FRS2: variants seen among roughly 807,000 people sequenced by gnomAD.
FRS2 encodes fibroblast growth factor receptor substrate 2.
Under a neutral mutation model 43.9 loss-of-function variants are expected in FRS2, and 8 were observed. That is an observed-to-expected ratio of 0.18 (90% CI 0.11 to 0.33). The LOEUF (loss-of-function observed/expected upper bound fraction) is 0.33. Among genes scored for constraint, FRS2 ranks in the 10% least tolerant of loss-of-function variants. The probability of loss-of-function intolerance (pLI) is 1.00; values close to 1 mark genes in which losing one functional copy is unlikely to be tolerated. For missense variants in FRS2, 534 were observed against 627.6 expected, an observed-to-expected ratio of 0.85 and a Z score of 1.59; for synonymous variants, 219 against 220.3, an observed-to-expected ratio of 0.99 and a Z score of 0.05.
chr12:69,539,283 G>T (rs1041224843), intron 3 of FRS2, among the ~76,000 whole-genome samples: 1 of 152,046 alleles, frequency 6.6e-6, no homozygotes, highest in Non-Finnish European at 1.5e-5. Flanking sequence ...CACCATGCTG[G>T]CCAGGCTGGT....
intron 3 of FRS2, among the ~76,000 whole-genome samples, chr12:69,554,244 T>C (rs1389114790): frequency 6.6e-6 from 1 of 152,200 alleles, no homozygotes; most frequent in Non-Finnish European, 1.5e-5. Flanking sequence ...TTATAAAAGC[T>C]ATTCAAACAC....
At chr12:69,510,281 C>T (rs1874333662) in intron 1 of FRS2, among the ~76,000 whole-genome samples, 1 of 152,214 alleles carries the variant, frequency 6.6e-6, no homozygotes, top group Non-Finnish European at 1.5e-5. Context: ...TGCAACTTCT[C>T]TGAGTGCCCT....
intron 1 of FRS2, among the ~76,000 whole-genome samples, chr12:69,477,571 C>T (rs946664593): frequency 9.2e-5 from 14 of 151,456 alleles, no homozygotes; most frequent in Middle Eastern, 6.9e-3. Context: ...CGTGAGCCAC[C>T]GCGCCCGGCC....
At chr12:69,474,198 C>T (rs763669739) in intron 1 of FRS2, among the ~76,000 whole-genome samples, 4 of 152,044 alleles carry the variant, frequency 2.6e-5, no homozygotes, top group South Asian at 2.1e-4. Flanking sequence ...ACTAGAAATA[C>T]GGGCAAGGAG....
chr12:69,485,222 C>G (rs1043983665), intron 1 of FRS2, among the ~76,000 whole-genome samples: 16 of 151,394 alleles, frequency 1.1e-4, no homozygotes, highest in African/African-American at 3.6e-4. Flanking sequence ...TCGCTCTGTC[C>G]CCCAGGCTGG....
intron 1 of FRS2, among the ~76,000 whole-genome samples, chr12:69,479,594 C>CA (rs1317386707): frequency 6.6e-6 from 1 of 151,876 alleles, no homozygotes; most frequent in Non-Finnish European, 1.5e-5. Context: ...GATGGGGTTT[C>CA]ACTATGTTGG....
Position 69,555,462 on chromosome 12 carries a change from G to A in FRS2, c.-121-6718G>A, listed in dbSNP as rs184083663. Among the ~76,000 whole-genome samples the A allele has an allele frequency of 7.8e-4, 119 of 152,230 alleles. 1 individual carries two copies. The highest frequency in any genetic ancestry group is 3.1e-3 in the Admixed American group (48 of 15,282). On this transcript the variant is annotated intron_variant, in intron 3 of 8. Transcript: ENST00000549921. ...GTTAATCACAGGGATAGATGTGCTC[G>A]GATGCAAACTTTTCTGGTAAACTTT...
At chr12:69,516,306 CCT>C (rs1216450357) in intron 1 of FRS2, among the ~76,000 whole-genome samples, 1 of 151,910 alleles carries the variant, frequency 6.6e-6, no homozygotes, top group South Asian at 2.1e-4. Flanking sequence ...GCAACCTCCG[CCT>C]CCCTGGTTCA....
At chr12:69,556,040 C>A (rs1316288280) in intron 3 of FRS2, among the ~76,000 whole-genome samples, 1 of 149,468 alleles carries the variant, frequency 6.7e-6, no homozygotes, top group Non-Finnish European at 1.5e-5. Flanking sequence ...ATGGTATACA[C>A]ATTTCATGTG....
At chr12:69,485,134 C>CACACACACACAA in intron 1 of FRS2, among the ~76,000 whole-genome samples, 1 of 134,350 alleles carries the variant, frequency 7.4e-6, no homozygotes, top group East Asian at 2.4e-4. Context: ...CACACACACA[C>CACACACACACAA]ACTCTCACCC....
At chr12:69,525,638 C>T (rs1876139707) in intron 1 of FRS2, among the ~76,000 whole-genome samples, 2 of 151,990 alleles carry the variant, frequency 1.3e-5, no homozygotes, top group Non-Finnish European at 2.9e-5. Flanking sequence ...GAACGCGTGT[C>T]CTCTCTTTCC....
intron 1 of FRS2, among the ~76,000 whole-genome samples, chr12:69,501,770 G>T (rs1327388338): frequency 6.6e-6 from 1 of 152,124 alleles, no homozygotes; most frequent in Non-Finnish European, 1.5e-5. Context: ...TGTATTACCT[G>T]AAAGTAAATT....
chr12:69,541,717 C>T (rs539547576), intron 3 of FRS2, among the ~76,000 whole-genome samples: 2 of 150,466 alleles, frequency 1.3e-5, no homozygotes, highest in African/African-American at 2.4e-5. Context: ...CCCAGCTACT[C>T]GGGAGACTGA....
intron 3 of FRS2, among the ~76,000 whole-genome samples, chr12:69,545,612 C>G (rs1011988092): frequency 6.6e-6 from 1 of 152,000 alleles, no homozygotes; most frequent in African/African-American, 2.4e-5. Context: ...AAAAGATTAG[C>G]TGGGTGTGGT....
At chr12:69,528,391 A>G (rs537218773) in intron 1 of FRS2, among the ~76,000 whole-genome samples, 1 of 152,340 alleles carries the variant, frequency 6.6e-6, no homozygotes, top group African/African-American at 2.4e-5. Context: ...CTGGAACCTT[A>G]TAATATAATC....
intron 1 of FRS2, among the ~76,000 whole-genome samples, chr12:69,475,491 C>T (rs1024958694): frequency 6.6e-6 from 1 of 152,148 alleles, no homozygotes; most frequent in Non-Finnish European, 1.5e-5. Flanking sequence ...CCCCTCACTC[C>T]CTCCAGCTGT....
chr12:69,488,588 C>G (rs987829760), intron 1 of FRS2, among the ~76,000 whole-genome samples: 1 of 152,066 alleles, frequency 6.6e-6, no homozygotes, highest in African/African-American at 2.4e-5. Flanking sequence ...GAGCAGAACC[C>G]GCAATATCTT....
chr12:69,500,120 A>G (rs984397366), intron 1 of FRS2, among the ~76,000 whole-genome samples: 1 of 152,236 alleles, frequency 6.6e-6, no homozygotes, highest in Admixed American at 6.5e-5. Context: ...AATAGTTGGC[A>G]ATGGCAACAT....
At chr12:69,518,311 C>G (rs1426072260) in intron 1 of FRS2, among the ~76,000 whole-genome samples, 1 of 152,196 alleles carries the variant, frequency 6.6e-6, no homozygotes, top group African/African-American at 2.4e-5. Context: ...AAATTTGTCT[C>G]TATATCCTGT....
Sources: gnomAD v4.1 joint callset for allele counts (sites outside exome capture counted in the v4.1 genomes callset) on GRCh38, gnomAD v4.1.1 for gene constraint, MANE v1.5 for transcripts, NCBI Gene and HGNC (gene_info 2026-07-23, HGNC 2026-07-21) for gene names.